LPP: variants seen among roughly 807,000 people sequenced by gnomAD.
LPP encodes lipoma-preferred partner.
Under a neutral mutation model 60.4 loss-of-function variants are expected in LPP, and 38 were observed. The ratio of observed to expected loss-of-function variants is 0.63; its 90% CI spans 0.49 to 0.83. The LOEUF is 0.83. LPP is among the 40% of genes least tolerant of loss of function. LPP has a pLI of 0.00. For synonymous variants in LPP, 328 were observed against 290.8 expected (o/e 1.13, Z -1.30); for missense variants, 902 against 783.6 (o/e 1.15, Z -1.80).
chr3:188,770,560 TA>T (rs1193993570), intron 9 of LPP, among the ~76,000 whole-genome samples: 1 of 152,076 alleles, frequency 6.6e-6, no homozygotes, highest in Non-Finnish European at 1.5e-5. Context: ...TACGGTCTCC[TA>T]AACTACTCTT....
At chr3:188,193,779 G>T (rs1012927540) in intron 1 of LPP, among the ~76,000 whole-genome samples, 1 of 152,082 alleles carries the variant, frequency 6.6e-6, no homozygotes, top group African/African-American at 2.4e-5. Flanking sequence ...ATAGAGTTTG[G>T]GTTAAATGGC....
intron 7 of LPP, among the ~76,000 whole-genome samples, chr3:188,614,975 A>G (rs1844575316): frequency 6.6e-6 from 1 of 152,108 alleles, no homozygotes; most frequent in Admixed American, 6.5e-5. Flanking sequence ...TACCTTCACT[A>G]AGTACTTAAT....
chr3:188,753,190 A>G (rs2150346503), intron 8 of LPP, among the ~76,000 whole-genome samples: 1 of 152,318 alleles, frequency 6.6e-6, no homozygotes, highest in South Asian at 2.1e-4. Flanking sequence ...TTTCTTATCT[A>G]AAAAGGAGAA....
rs184351174 is a variant in LPP at position 188,786,378 on chromosome 3, G to A, written c.1410+26096G>A. Among the ~76,000 whole-genome samples the A allele has an allele frequency of 3.6e-3, 267 of 73,752 alleles. 2 individuals carry two copies. The highest frequency in any genetic ancestry group is 0.011 in the Middle Eastern group (1 of 90). 48.4% of individuals were successfully genotyped at this position (73,752 alleles called of 152,430 possible). On this transcript the variant is annotated intron_variant, in intron 9 of 11. Transcript: ENST00000617246. ...AGCCTGGGCAACAGCGTGAGACTCCGTCTCAAAAAAAAAAAAAAAAAAAAA... is the reference window on the plus strand; with the variant it reads ...AGCCTGGGCAACAGCGTGAGACTCCATCTCAAAAAAAAAAAAAAAAAAAAA...
rs577613011 is a variant in LPP, at chr3:188,765,602, G to A, written c.1410+5320G>A. On this transcript the variant is annotated intron_variant, in intron 9 of 11. Transcript: ENST00000617246. ...TAGTCTCATTTTACAAATGTGGCTCGGATGTTTTCAAAGTAAATGACAAAA... is the reference window on the plus strand; with the variant it reads ...TAGTCTCATTTTACAAATGTGGCTCAGATGTTTTCAAAGTAAATGACAAAA... Among the ~76,000 whole-genome samples, 4 of 152,114 alleles carry A rather than the reference G, an allele frequency of 2.6e-5. No homozygotes were observed. In the South Asian group the frequency reaches 6.2e-4, roughly 24 times the overall value.
chr3:188,306,172 C>T (rs1751462039), intron 2 of LPP, among the ~76,000 whole-genome samples: 1 of 152,086 alleles, frequency 6.6e-6, no homozygotes, highest in Non-Finnish European at 1.5e-5. Context: ...CCTGTGCCTC[C>T]TGAGTTCAAG....
At chr3:188,786,895 A>T (rs1742096179) in intron 9 of LPP, among the ~76,000 whole-genome samples, 1 of 152,184 alleles carries the variant, frequency 6.6e-6, no homozygotes. Flanking sequence ...AATGGAGAAC[A>T]GATTAGTGTT....
chr3:188,672,116 C>T (rs1258279746), intron 7 of LPP, among the ~76,000 whole-genome samples: 1 of 152,128 alleles, frequency 6.6e-6, no homozygotes, highest in Admixed American at 6.5e-5. Context: ...CAAGTCTGAA[C>T]TGACTGCGTA....
intron 2 of LPP, among the ~76,000 whole-genome samples, chr3:188,269,645 A>ATACGTGTGTG (rs748506984): frequency 4.4e-5 from 6 of 136,454 alleles, no homozygotes; most frequent in African/African-American, 1.4e-4. Flanking sequence ...CTTTTTTTTT[A>ATACGTGTGTG]TGTGTGTGTG....
intron 1 of LPP, among the ~76,000 whole-genome samples, chr3:188,223,914 C>T (rs1229793481): frequency 2.0e-5 from 3 of 152,130 alleles, no homozygotes; most frequent in Non-Finnish European, 4.4e-5. Context: ...TTTCAGAATT[C>T]CAATGTCCTT....
chr3:188,387,183 AAC>A (rs1778522808), intron 3 of LPP, among the ~76,000 whole-genome samples: 2 of 152,234 alleles, frequency 1.3e-5, no homozygotes, highest in South Asian at 2.1e-4. Flanking sequence ...TCAAGTTCAG[AAC>A]ATGTAGACTG....
chr3:188,348,933 C>T (rs1045193403), intron 3 of LPP, among the ~76,000 whole-genome samples: 1 of 152,186 alleles, frequency 6.6e-6, no homozygotes, highest in African/African-American at 2.4e-5. Flanking sequence ...TAATGGAAGA[C>T]TGGGTTGAAG....
At chr3:188,782,757 A>G (rs964289152) in intron 9 of LPP, among the ~76,000 whole-genome samples, 3 of 151,124 alleles carry the variant, frequency 2.0e-5, no homozygotes, top group Non-Finnish European at 4.4e-5. Flanking sequence ...AAAACAAAAC[A>G]CAGCCGGGCA....
At chr3:188,285,425 T>G (rs989978904) in intron 2 of LPP, among the ~76,000 whole-genome samples, 1 of 152,146 alleles carries the variant, frequency 6.6e-6, no homozygotes, top group Non-Finnish European at 1.5e-5. Context: ...TAACTCCTCT[T>G]TTTTATTTCC....
intron 3 of LPP, among the ~76,000 whole-genome samples, chr3:188,349,540 C>T (rs2150776443): frequency 6.6e-6 from 1 of 152,336 alleles, no homozygotes; most frequent in South Asian, 2.1e-4. Context: ...TGGAGTTACA[C>T]AGCGCTGTCT....
chr3:188,219,005 T>C (rs188974748), intron 1 of LPP, among the ~76,000 whole-genome samples: 1 of 145,064 alleles, frequency 6.9e-6, no homozygotes, highest in Admixed American at 7.3e-5. Context: ...AATCCAGATT[T>C]AGATCACTTT....
At chr3:188,506,730 A>G (rs1286796615) in intron 5 of LPP, among the ~76,000 whole-genome samples, 2 of 152,138 alleles carry the variant, frequency 1.3e-5, no homozygotes, top group Admixed American at 1.3e-4. Flanking sequence ...TTGTTCATTT[A>G]TTTTAGCAAT....
intron 7 of LPP, among the ~76,000 whole-genome samples, chr3:188,683,875 A>G (rs969432971): frequency 1.4e-4 from 21 of 152,198 alleles, no homozygotes; most frequent in African/African-American, 4.6e-4. Flanking sequence ...TATGCATACA[A>G]TTTACACGTA....
chr3:188,215,198 C>T (rs1172531535), intron 1 of LPP, among the ~76,000 whole-genome samples: 1 of 151,932 alleles, frequency 6.6e-6, no homozygotes, highest in Non-Finnish European at 1.5e-5. Context: ...CCCAGCTACT[C>T]AGAAGGTGGG....
Sources: gnomAD v4.1 joint callset for allele counts (sites outside exome capture counted in the v4.1 genomes callset) on GRCh38, gnomAD v4.1.1 for gene constraint, MANE v1.5 for transcripts, NCBI Gene and HGNC (gene_info 2026-07-23, HGNC 2026-07-21) for gene names.